Variants in TTC28 observed in about 807,000 individuals in gnomAD.
TTC28 encodes the protein tetratricopeptide repeat protein 28.
TTC28 carries 61 observed loss-of-function variants against 198.0 expected under a neutral mutation model. That is an observed-to-expected ratio of 0.31 (90% CI 0.25 to 0.38). TTC28 has a LOEUF of 0.38. Ranked by LOEUF, TTC28 falls within the 10% of genes least tolerant of loss-of-function variation. The pLI, the probability that TTC28 is intolerant of heterozygous loss-of-function variation, is 1.00. For synonymous variants in TTC28, 1,171 were observed against 1,297.8 expected, an observed-to-expected ratio of 0.90 and a Z score of 2.10; for missense variants, 2,678 against 3,164.0, an observed-to-expected ratio of 0.85 and a Z score of 3.69.
At chr22:28,233,198 A>C (rs572250701) in intron 5 of TTC28, among the ~76,000 whole-genome samples, 1 of 152,062 alleles carries the variant, frequency 6.6e-6, no homozygotes, top group African/African-American at 2.4e-5. Flanking sequence ...AAAATTCTGG[A>C]TTTTTTTCAG....
At chr22:28,674,602 T>C (rs1481013354) in intron 1 of TTC28, among the ~76,000 whole-genome samples, 1 of 151,850 alleles carries the variant, frequency 6.6e-6, no homozygotes, top group Non-Finnish European at 1.5e-5. Context: ...GGTGGATCAC[T>C]TGAGGTCAGG....
chr22:28,633,304 A>G (rs894777126), intron 1 of TTC28, among the ~76,000 whole-genome samples: 2 of 151,780 alleles, frequency 1.3e-5, no homozygotes, highest in Admixed American at 1.3e-4. Context: ...AAAAAGAAAA[A>G]GAAAAAGAAA....
At chr22:28,040,628 C>T (rs1939588980) in intron 12 of TTC28, among the ~76,000 whole-genome samples, 3 of 152,152 alleles carry the variant, frequency 2.0e-5, no homozygotes, top group Admixed American at 2.0e-4. Context: ...CAGCCAATAC[C>T]ATACCGAATG....
At chr22:28,600,039 A>C (rs1296724325) in intron 2 of TTC28, among the ~76,000 whole-genome samples, 2 of 152,188 alleles carry the variant, frequency 1.3e-5, no homozygotes, top group African/African-American at 4.8e-5. Context: ...ATAGCTTACA[A>C]CTGCCATAGA....
chr22:28,489,051 G>C lies in TTC28; in HGVS notation c.381+140501C>G, dbSNP rs946587669. On this transcript the variant is annotated intron_variant, in intron 2 of 22. Transcript: ENST00000397906. ...GTAATCCCAGCACTTTCAGAGGCTGGGGGGAAAGGAATGCTTGAAGCCAGG... is the reference window on the plus strand; with the variant it reads ...GTAATCCCAGCACTTTCAGAGGCTGCGGGGAAAGGAATGCTTGAAGCCAGG... 5.9e-5 allele frequency among the ~76,000 whole-genome samples: 9 copies of C among 152,050 alleles called. 1 individual carries two copies. Among genetic ancestry groups the C allele is most frequent in the Non-Finnish European group, 1.2e-4 (8 of 67,988 alleles).
chr22:28,119,088 T>G (rs565149079), intron 6 of TTC28, among the ~76,000 whole-genome samples: 1 of 152,312 alleles, frequency 6.6e-6, no homozygotes, highest in Non-Finnish European at 1.5e-5. Flanking sequence ...TAATCCAGAA[T>G]TGCCAGTTAT....
At chr22:28,075,600 T>C (rs1280588777) in intron 12 of TTC28, among the ~76,000 whole-genome samples, 4 of 152,196 alleles carry the variant, frequency 2.6e-5, no homozygotes, top group Admixed American at 1.3e-4. Flanking sequence ...GCTGGGGAAA[T>C]GTGATGTAGC....
intron 5 of TTC28, among the ~76,000 whole-genome samples, chr22:28,262,794 T>C (rs1015730958): frequency 2.6e-5 from 4 of 152,180 alleles, no homozygotes; most frequent in African/African-American, 9.6e-5. Flanking sequence ...CAAGTAGAAA[T>C]GGAGAACTAG....
chr22:28,273,633 A>G (rs766990655), intron 5 of TTC28, among the ~76,000 whole-genome samples: 2 of 152,192 alleles, frequency 1.3e-5, no homozygotes, highest in Non-Finnish European at 2.9e-5. Context: ...GGTATAATAT[A>G]TGCAGTAGAA....
chr22:28,268,073 G>A (rs1293477646), intron 5 of TTC28, among the ~76,000 whole-genome samples: 1 of 152,186 alleles, frequency 6.6e-6, no homozygotes, highest in Non-Finnish European at 1.5e-5. Flanking sequence ...TCTGTAAAGA[G>A]ATTAAAAGCA....
intron 2 of TTC28, among the ~76,000 whole-genome samples, chr22:28,544,961 C>G (rs970886079): frequency 6.6e-6 from 1 of 152,186 alleles, no homozygotes; most frequent in East Asian, 1.9e-4. Context: ...TATACTCAAT[C>G]GAGCAGCCCA....
At chr22:28,389,553 T>G (rs1410368602) in intron 2 of TTC28, among the ~76,000 whole-genome samples, 1 of 149,636 alleles carries the variant, frequency 6.7e-6, no homozygotes, top group Non-Finnish European at 1.5e-5. Context: ...ATTCAACTTC[T>G]TCCTGGTTTA....
intron 5 of TTC28, among the ~76,000 whole-genome samples, chr22:28,243,570 A>T (rs189650325): frequency 2.0e-5 from 3 of 152,202 alleles, no homozygotes; most frequent in East Asian, 3.9e-4. Context: ...TGCTATCATG[A>T]ACTACAGACT....
At chr22:28,519,700 T>C (rs2048862395) in intron 2 of TTC28, among the ~76,000 whole-genome samples, 1 of 152,188 alleles carries the variant, frequency 6.6e-6, no homozygotes, top group African/African-American at 2.4e-5. Flanking sequence ...CCCCTCAACC[T>C]TTTCTTATAA....
At chr22:28,101,302 T>C in intron 8 of TTC28, 22 bp from the exon 9 acceptor site, 3 of 1,523,048 alleles carry the variant, frequency 2.0e-6, no homozygotes, top group Non-Finnish European at 2.7e-6. Flanking sequence ...TAGAGAAATT[T>C]AAGGAAACAT....
chr22:28,001,653 G>C, intron 14 of TTC28, 100 bp from the exon 15 acceptor site: 1 of 1,368,330 alleles, frequency 7.3e-7, no homozygotes, highest in South Asian at 1.4e-5. Context: ...ACACAAGCAC[G>C]AGCAGGTGAG....
intron 2 of TTC28, among the ~76,000 whole-genome samples, chr22:28,389,487 T>C (rs1365025778): frequency 2.0e-5 from 3 of 148,536 alleles, no homozygotes; most frequent in Non-Finnish European, 4.5e-5. Context: ...TCTTTTTGGT[T>C]GGTAAGCTAC....
chr22:28,393,526 C>T (rs138793124), intron 2 of TTC28, among the ~76,000 whole-genome samples: 334 of 151,934 alleles, frequency 2.2e-3, no homozygotes, highest in African/African-American at 7.7e-3. Flanking sequence ...ACCTCATCTC[C>T]ACACAAAAAA....
At chr22:28,196,436 A>G (rs955203207) in intron 5 of TTC28, among the ~76,000 whole-genome samples, 1 of 152,182 alleles carries the variant, frequency 6.6e-6, no homozygotes, top group Non-Finnish European at 1.5e-5. Context: ...AAATTGACAA[A>G]TGGGATCTAA....
Sources: gnomAD v4.1 joint callset for allele counts (sites outside exome capture counted in the v4.1 genomes callset) on GRCh38, gnomAD v4.1.1 for gene constraint, MANE v1.5 for transcripts, NCBI Gene and HGNC (gene_info 2026-07-23, HGNC 2026-07-21) for gene names.